Variants in SGSM2 observed in about 807,000 individuals in gnomAD.
The protein encoded by SGSM2 is RUN and TBC1 domain containing 1.
Under a neutral mutation model 126.6 loss-of-function variants are expected in SGSM2, and 89 were observed. The observed-to-expected ratio is 0.70, with a 90% CI of 0.59 to 0.84. The LOEUF is 0.84. SGSM2 is among the 40% of genes least tolerant of loss of function. The pLI, the probability that SGSM2 is intolerant of heterozygous loss-of-function variation, is 0.00. For missense variants in SGSM2, 1,404 were observed against 1,416.6 expected (o/e 0.99, Z 0.14); for synonymous variants, 614 against 574.3 (o/e 1.07, Z -0.99).
rs749043861 is a variant in SGSM2 at position 2,367,317 on chromosome 17, G to A, written c.1335G>A (p.Val445=). The A allele has an allele frequency of 6.2e-7, 1 of 1,614,020 alleles. No homozygotes were observed. Among genetic ancestry groups the A allele is most frequent in the Non-Finnish European group, 8.5e-7 (1 of 1,180,024 alleles). Residue 445 remains valine, a synonymous_variant, in exon 12 of 24, where the codon GTG becomes GTA. Transcript: ENST00000268989. This position sits in a 1 kb window ranked among gnomAD's most constrained non-coding sequence, Gnocchi z 4.0. The part of the protein sequence containing the change: ...HHLAASRAAS[V]DDDEEEEDKL... Reference sequence around the variant, plus strand: ...TAGCGGCCAGCCGCGCGGCCTCGGTGGACGATGATGAGGAAGAGGAGGATA... The same window carrying A: ...TAGCGGCCAGCCGCGCGGCCTCGGTAGACGATGATGAGGAAGAGGAGGATA...
In SGSM2 at chr17:2,377,023, G is replaced by A. The variant is rs762759928; in HGVS notation, c.2757G>A (p.Gly919=). Residue 919 remains glycine, a synonymous_variant, in exon 21 of 24, where the codon GGG becomes GGA. Coordinates refer to ENST00000268989, the MANE Select transcript of SGSM2 (RefSeq NM_014853.3). ...GGATGAGCCAGAACTTCCCCAACGG[G>A]GGTGCCATGGACACCCACTTTGCCA... ...MKRMSQNFPN[G]GAMDTHFANM... The A allele has an allele frequency of 3.1e-6, 5 of 1,613,718 alleles. No individual in the cohort carries two copies. Among genetic ancestry groups the A allele is most frequent in the African/African-American group, 1.3e-5 (1 of 74,912 alleles).
At chr17:2,371,789 T>A in intron 13 of SGSM2, 1 of 383,680 alleles carries the variant, frequency 2.6e-6, no homozygotes, top group Non-Finnish European at 4.8e-6. Context: ...GCCGTCCACC[T>A]GAGGACACTC....
chr17:2,378,092 C>T (rs1597400062), intron 22 of SGSM2, 139 bp downstream of exon 22: 1 of 566,326 alleles, frequency 1.8e-6, no homozygotes, highest in Admixed American at 2.9e-5. Flanking sequence ...CCTGGCCCCA[C>T]CCAGCCCAGA....
intron 19 of SGSM2, chr17:2,376,528 T>G (rs928086585): frequency 1.5e-5 from 10 of 686,020 alleles, no homozygotes; most frequent in Middle Eastern, 4.0e-4. Context: ...CGTGACGGCC[T>G]TGGCTCTCCC....
At chr17:2,349,948 C>T (rs903384211) in intron 2 of SGSM2, among the ~76,000 whole-genome samples, 1 of 151,972 alleles carries the variant, frequency 6.6e-6, no homozygotes, top group Non-Finnish European at 1.5e-5. Flanking sequence ...CCACCACGCT[C>T]GGCTAATTTT....
Position 2,380,631 on chromosome 17 carries a change from G to C in SGSM2, c.*1111G>C. ...AGGAAGGGCATAGCTCCTGCCCCCA[G>C]GCCTAGGCATGCTGCTTGCTCGGCC... is the stretch of plus-strand genomic sequence containing the variant. On this transcript the variant is annotated 3_prime_UTR_variant, in exon 24 of 24. Transcript: ENST00000268989. 2 of 412,266 alleles carry C rather than the reference G, an allele frequency of 4.9e-6. No homozygotes were observed. Among genetic ancestry groups the C allele is most frequent in the South Asian group, 5.0e-5 (2 of 40,078 alleles). The allele number at this position is 412,266 out of a possible 1,614,324, so 25.5% of individuals were successfully genotyped here.
In SGSM2 at chr17:2,347,095, G is replaced by A. The variant is rs181169051; in HGVS notation, c.133+3475G>A. Among the ~76,000 whole-genome samples, 207 of 151,912 alleles carry A rather than the reference G, an allele frequency of 1.4e-3. 2 individuals carry two copies. The highest frequency in any genetic ancestry group is 4.5e-3 in the African/African-American group (185 of 41,412). On this transcript the variant is annotated intron_variant, in intron 2 of 23. Transcript: ENST00000268989. Reference sequence around the variant, plus strand: ...CAGAGAGAGAGAGAGACCCTGTCTCGTTTGTTTGTTTATTTATTTATTTAT... The same window carrying A: ...CAGAGAGAGAGAGAGACCCTGTCTCATTTGTTTGTTTATTTATTTATTTAT...
rs146451991 is a variant in SGSM2, at chr17:2,379,147, G to A, written c.3011G>A (p.Arg1004Gln). ...FIALALVEAY[R>Q]EIIRDNNMDF... ...GCCCTCGCCCTGGTGGAGGCCTACCGAGAGATCATCCGTGACAACAACATG... is the reference window on the plus strand; with the variant it reads ...GCCCTCGCCCTGGTGGAGGCCTACCAAGAGATCATCCGTGACAACAACATG... The change falls in exon 23 of 24, where the codon CGA becomes CAA. Residue 1004 changes from arginine (R) to glutamine (Q), a missense_variant. Transcript: ENST00000268989. The A allele has an allele frequency of 1.8e-5, 29 of 1,614,136 alleles. No individual in the cohort carries two copies. Among genetic ancestry groups the A allele is most frequent in the East Asian group, 1.6e-4 (7 of 44,878 alleles).
chr17:2,340,753 T>G (rs978058261), intron 1 of SGSM2, among the ~76,000 whole-genome samples: 61 of 151,688 alleles, frequency 4.0e-4, no homozygotes, highest in African/African-American at 7.3e-4. Flanking sequence ...CCCGGCTAAT[T>G]TTTTGTATTT....
At chr17:2,379,345 G>A (rs772127376) in intron 23 of SGSM2, 87 bp from the exon 24 acceptor site, 1 of 1,567,072 alleles carries the variant, frequency 6.4e-7, no homozygotes, top group African/African-American at 1.3e-5. Context: ...TAGCAGAGCA[G>A]ATGGAAACAG....
chr17:2,337,604 C>A lies in SGSM2; in HGVS notation c.-85C>A. On this transcript the variant is annotated 5_prime_UTR_variant, in exon 1 of 24. Transcript: ENST00000268989. The surrounding 1 kb of genome is among the most constrained non-coding windows in gnomAD (Gnocchi z 5.1). ...CGCGGCGGGCGGGGGCTCCGCCTTG[C>A]GCGTGGGGCGCTGAGCCGAGAGGCG... 1.0e-6 allele frequency: 1 copy of A among 987,710 alleles called. No homozygotes were observed. The highest frequency in any genetic ancestry group is 1.3e-6 in the Non-Finnish European group (1 of 778,666). The allele number at this position is 987,710 out of a possible 1,614,324, so 61.2% of individuals were successfully genotyped here.
At position 2,371,275 on chromosome 17, in the gene SGSM2, G is replaced by A. The variant is rs1231567653; in HGVS notation, c.1437G>A (p.Met479Ile). 3.1e-6 allele frequency: 5 copies of A among 1,611,798 alleles called. No individual in the cohort carries two copies. Among genetic ancestry groups the A allele is most frequent in the Non-Finnish European group, 4.2e-6 (5 of 1,179,854 alleles). Residue 479 changes from methionine to isoleucine, a missense_variant, in exon 13 of 24, where the codon ATG becomes ATA. Physicochemically the swap from Met to Ile is conservative, Grantham distance 10. Coordinates refer to ENST00000268989, the MANE Select transcript of SGSM2 (RefSeq NM_014853.3). ...APNPMKDAGDMIEMQGFGPSL... is the reference protein window; with the variant it reads ...APNPMKDAGDIIEMQGFGPSL... ...TCCTGCCCGCAGACGCTGGTGACAT[G>A]ATCGAGATGCAGGGCTTTGGGCCCA...
At position 2,362,697 on chromosome 17, in the gene SGSM2, G is replaced by A. The variant is rs990569397; in HGVS notation, c.459-141G>A. 5.1e-5 allele frequency: 43 copies of A among 844,918 alleles called. No homozygotes were observed. Among genetic ancestry groups the A allele is most frequent in the South Asian group, 5.0e-4 (31 of 62,414 alleles). 52.3% of individuals were successfully genotyped at this position (844,918 alleles called of 1,614,324 possible). A position where few individuals can be genotyped will look rare whatever the true frequency, so the allele number is the denominator to read the frequency against. ...GCATTGGCCATACCAGGCACCTCAC[G>A]AAGCCCAGTCCCTAAGGACTCACTG... is the stretch of plus-strand genomic sequence containing the variant. On this transcript the variant is annotated intron_variant, in intron 4 of 23. Coordinates refer to ENST00000268989, the MANE Select transcript of SGSM2 (RefSeq NM_014853.3). This position sits in a 1 kb window ranked among gnomAD's most constrained non-coding sequence, Gnocchi z 4.9.
At chr17:2,340,641 G>C (rs894379512) in intron 1 of SGSM2, among the ~76,000 whole-genome samples, 3 of 149,844 alleles carry the variant, frequency 2.0e-5, no homozygotes, top group Non-Finnish European at 4.4e-5. Context: ...CTGGAGTGCC[G>C]TGGCGCCATC....
chr17:2,376,961 C>A lies in SGSM2; in HGVS notation c.2695C>A (p.Gln899Lys), dbSNP rs1362967408. The A allele has an allele frequency of 1.2e-6, 2 of 1,612,674 alleles. No individual in the cohort carries two copies. Among genetic ancestry groups the A allele is most frequent in the Non-Finnish European group, 1.7e-6 (2 of 1,179,072 alleles). ...APLLVTLDND[Q>K]LAYSCFSHLM... The stretch of plus-strand genomic sequence containing the variant: ...GCTTCACTCCTGTCTCCCCTCAGAT[C>A]AGCTGGCCTACAGCTGCTTCAGCCA... The change falls in exon 21 of 24, where the codon CAG becomes AAG. Residue 899 changes from glutamine (Q) to lysine (K), a missense_variant and splice_region_variant. Physicochemically the swap from Gln to Lys is moderately conservative, Grantham distance 53. Transcript: ENST00000268989.
chr17:2,376,556 G>A lies in SGSM2; in HGVS notation c.2610-177G>A, dbSNP rs1036973254. 1.1e-5 allele frequency: 8 copies of A among 754,664 alleles called. No individual in the cohort carries two copies. The Admixed American group carries it at 1.9e-4, about 18-fold the overall frequency. The allele number at this position is 754,664 out of a possible 1,614,324, so 46.7% of individuals were successfully genotyped here. A position where few individuals can be genotyped will look rare whatever the true frequency, so the allele number is the denominator to read the frequency against. Reference sequence around the variant, plus strand: ...GCTCTCCCTAAGTCGGAGTGCCTTGGGGGGGACCCGTGGGTTGTTCCCCGT... The same window carrying A: ...GCTCTCCCTAAGTCGGAGTGCCTTGAGGGGGACCCGTGGGTTGTTCCCCGT... On this transcript the variant is annotated intron_variant, in intron 19 of 23. Transcript: ENST00000268989.
intron 2 of SGSM2, among the ~76,000 whole-genome samples, chr17:2,357,520 G>T (rs117592058): frequency 2.6e-3 from 395 of 152,228 alleles, no homozygotes; most frequent in Non-Finnish European, 4.6e-3. Flanking sequence ...TCTTGAGATG[G>T]AGTTTTTGCT....
At position 2,375,748 on chromosome 17, in the gene SGSM2, G is replaced by C. The variant is rs1220322833; in HGVS notation, c.2357G>C (p.Gly786Ala). Residue 786 changes from glycine to alanine, a missense_variant, in exon 18 of 24, where the codon GGC (glycine) becomes GCC (alanine). Gly to Ala is a moderately conservative substitution (Grantham distance 60, BLOSUM62 0). Transcript: ENST00000268989. ...GAGGAGGACGGCGGTGGGGAGGAAG[G>C]CTCCAGTGGGCCCGGCCCTGCAGCT... is the stretch of plus-strand genomic sequence containing the variant. ...FEEEDGGGEE[G>A]SSGPGPAAHT... The C allele has an allele frequency of 1.2e-6, 2 of 1,605,618 alleles. No individual in the cohort carries two copies. The highest frequency in any genetic ancestry group is 1.3e-5 in the African/African-American group (1 of 74,856).
Position 2,362,877 on chromosome 17 carries a change from G to T in SGSM2, c.498G>T (p.Val166=). Residue 166 remains valine (V), a synonymous_variant, in exon 5 of 24, where the codon GTG becomes GTT. Transcript: ENST00000268989. This position sits in a 1 kb window ranked among gnomAD's most constrained non-coding sequence, Gnocchi z 4.9. The part of the protein sequence containing the change: ...YEKEALLADP[V]FGPILASLLV... ...AGGAGGCACTGCTGGCAGACCCTGT[G>T]TTCGGCCCGATCCTGGCCTCTCTTC... 6.2e-7 allele frequency: 1 copy of T among 1,614,188 alleles called. No homozygotes were observed. The highest frequency in any genetic ancestry group is 8.5e-7 in the Non-Finnish European group (1 of 1,180,038).
Sources: allele counts gnomAD v4.1 joint callset (sites outside exome capture counted in the v4.1 genomes callset), GRCh38; gene constraint gnomAD v4.1.1; non-coding constraint Gnocchi (gnomAD v3.1); transcripts MANE v1.5; gene names NCBI Gene and HGNC (gene_info 2026-07-23, HGNC 2026-07-21).